DPY19L1: variants seen among roughly 807,000 people sequenced by gnomAD.
DPY19L1 encodes the protein protein C-mannosyl-transferase DPY19L1.
DPY19L1 carries 35 observed loss-of-function variants against 96.9 expected under a neutral mutation model. That is an observed-to-expected ratio of 0.36 (90% CI 0.28 to 0.48). The LOEUF (loss-of-function observed/expected upper bound fraction) is 0.48, where lower values mean the gene tolerates loss of function less well. Among genes scored for constraint, DPY19L1 ranks in the 20% least tolerant of loss-of-function variants. The pLI, the probability that DPY19L1 is intolerant of heterozygous loss-of-function variation, is 0.99. For missense variants in DPY19L1, 521 were observed against 777.9 expected (o/e 0.67, Z 3.93); for synonymous variants, 205 against 252.6 (o/e 0.81, Z 1.79).
chr7:35,022,312 T>C (rs762186688), intron 1 of DPY19L1, among the ~76,000 whole-genome samples: 22 of 152,226 alleles, frequency 1.4e-4, no homozygotes, highest in Non-Finnish European at 8.8e-5. Context: ...AAAAAGGTGT[T>C]CAAGGAAAGG....
chr7:35,007,449 A>T (rs572510681), intron 6 of DPY19L1, among the ~76,000 whole-genome samples: 2 of 152,338 alleles, frequency 1.3e-5, no homozygotes, highest in African/African-American at 4.8e-5. Context: ...CATTGGAAGA[A>T]CCAGAGACAG....
chr7:34,958,236 C>T lies in DPY19L1; in HGVS notation c.1093-166G>A, dbSNP rs6952071. Among the ~76,000 whole-genome samples the T allele has an allele frequency of 4.0e-3, 604 of 152,274 alleles. 5 individuals carry two copies. Among genetic ancestry groups the T allele is most frequent in the African/African-American group, 0.014 (592 of 41,560 alleles). ...TCACACTTCAAACTCCCAGAGATAACCATCATCAACAGTTTCCTGTTTATC... is the reference window on the plus strand; with the variant it reads ...TCACACTTCAAACTCCCAGAGATAATCATCATCAACAGTTTCCTGTTTATC... On this transcript the variant is annotated intron_variant, in intron 10 of 21. Coordinates refer to ENST00000638088, the MANE Select transcript of DPY19L1 (RefSeq NM_001366673.1).
chr7:34,997,436 C>CAAAAAA (rs397836742), intron 6 of DPY19L1, among the ~76,000 whole-genome samples: 146 of 91,834 alleles, frequency 1.6e-3, no homozygotes, highest in Admixed American at 2.1e-3. Context: ...ACTAAAAATA[C>CAAAAAA]AAAAAAAAAA....
At chr7:34,945,298 G>A (rs772031864) in intron 16 of DPY19L1, among the ~76,000 whole-genome samples, 1 of 152,066 alleles carries the variant, frequency 6.6e-6, no homozygotes, top group Non-Finnish European at 1.5e-5. Flanking sequence ...TGTAAAAAGT[G>A]AGGTATGAAT....
At chr7:34,961,387 T>C (rs915969041) in intron 10 of DPY19L1, among the ~76,000 whole-genome samples, 7 of 152,300 alleles carry the variant, frequency 4.6e-5, no homozygotes, top group African/African-American at 1.4e-4. Context: ...AAGGCAATAC[T>C]GTGGAGCAAA....
At chr7:34,937,804 A>C (rs576266660) in intron 21 of DPY19L1, among the ~76,000 whole-genome samples, 190 bp downstream of exon 21, 3 of 152,238 alleles carry the variant, frequency 2.0e-5, no homozygotes, top group African/African-American at 7.2e-5. Flanking sequence ...GCTTGCAGTG[A>C]GCCCAGATCA....
At chr7:35,005,881 C>A (rs1470013769) in intron 6 of DPY19L1, among the ~76,000 whole-genome samples, 1 of 151,832 alleles carries the variant, frequency 6.6e-6, no homozygotes, top group African/African-American at 2.4e-5. Context: ...CATTCTGAGG[C>A]GGATGGGAAG....
chr7:34,977,311 T>C (rs1304543075), intron 7 of DPY19L1, among the ~76,000 whole-genome samples: 1 of 152,330 alleles, frequency 6.6e-6, no homozygotes, highest in East Asian at 1.9e-4. Context: ...ATTCCAACCA[T>C]GTAATGTACA....
intron 1 of DPY19L1, among the ~76,000 whole-genome samples, chr7:35,020,553 C>T (rs1785971682): frequency 1.3e-5 from 2 of 152,082 alleles, no homozygotes; most frequent in African/African-American, 2.4e-5. Context: ...TTTTTTCCTG[C>T]TAATATTCAT....
At chr7:35,022,590 T>C (rs1007841857) in intron 1 of DPY19L1, among the ~76,000 whole-genome samples, 4 of 152,226 alleles carry the variant, frequency 2.6e-5, no homozygotes, top group African/African-American at 9.6e-5. Flanking sequence ...ACAAAACAGA[T>C]TGTAACTCCC....
chr7:35,032,300 C>A (rs1382668750), intron 1 of DPY19L1, among the ~76,000 whole-genome samples: 1 of 152,070 alleles, frequency 6.6e-6, no homozygotes. Context: ...AAATCCTGGC[C>A]CTTCTACATT....
At chr7:35,024,427 T>G (rs1786073817) in intron 1 of DPY19L1, among the ~76,000 whole-genome samples, 1 of 152,210 alleles carries the variant, frequency 6.6e-6, no homozygotes, top group Non-Finnish European at 1.5e-5. Flanking sequence ...AGTTTTAAAG[T>G]TTCTTTCCGG....
chr7:35,033,665 C>T (rs1456826881), intron 1 of DPY19L1, among the ~76,000 whole-genome samples: 2 of 152,186 alleles, frequency 1.3e-5, no homozygotes, highest in East Asian at 1.9e-4. Flanking sequence ...GCTTCTACCA[C>T]ACCACATTGC....
At position 34,930,430 on chromosome 7, in the gene DPY19L1, T is replaced by C. The variant is rs1411161995; in HGVS notation, c.*1143A>G. 1.3e-5 allele frequency: 2 copies of C among 152,124 alleles called. No individual in the cohort carries two copies. Among genetic ancestry groups the C allele is most frequent in the Non-Finnish European group, 2.9e-5 (2 of 68,026 alleles). 9.4% of individuals were successfully genotyped at this position (152,124 alleles called of 1,614,324 possible). On this transcript the variant is annotated 3_prime_UTR_variant, in exon 22 of 22. Coordinates refer to ENST00000638088, the MANE Select transcript of DPY19L1 (RefSeq NM_001366673.1). ...CTTATTCCTTATACTGAAATGATGG[T>C]TTTTAGAACCAAAATTATAACATAA...
At chr7:34,974,743 C>T (rs752500904) in intron 7 of DPY19L1, among the ~76,000 whole-genome samples, 1 of 152,126 alleles carries the variant, frequency 6.6e-6, no homozygotes, top group Non-Finnish European at 1.5e-5. Flanking sequence ...TCACAGATAA[C>T]GTCTGTCACA....
In DPY19L1 at chr7:35,018,737, C is replaced by G. The variant is rs6963995; in HGVS notation, c.299-141G>C. The G allele has an allele frequency of 7.3e-5, 50 of 685,856 alleles. No individual in the cohort carries two copies. In the Middle Eastern group the frequency reaches 1.2e-3, roughly 16 times the overall value. The allele number at this position is 685,856 out of a possible 1,614,324, so 42.5% of individuals were successfully genotyped here. ...GGTCTTCAAAAAAGTCCCAGGGCTA[C>G]GTTTAAAATTGTGATTGACTAGCTC... On this transcript the variant is annotated intron_variant, in intron 1 of 21. Coordinates refer to ENST00000638088, the MANE Select transcript of DPY19L1 (RefSeq NM_001366673.1).
At chr7:34,962,449 A>T (rs899076173) in intron 10 of DPY19L1, among the ~76,000 whole-genome samples, 5 of 152,190 alleles carry the variant, frequency 3.3e-5, no homozygotes, top group African/African-American at 1.2e-4. Flanking sequence ...AGGGGGAAGG[A>T]GGGATGAATA....
intron 10 of DPY19L1, among the ~76,000 whole-genome samples, chr7:34,959,881 ATGTT>A (rs1199452816): frequency 7.2e-6 from 1 of 139,162 alleles, no homozygotes; most frequent in Admixed American, 7.8e-5. Flanking sequence ...TTTAATATAT[ATGTT>A]TATTTGTATA....
intron 13 of DPY19L1, among the ~76,000 whole-genome samples, chr7:34,953,939 G>T (rs1234241006): frequency 6.6e-6 from 1 of 152,004 alleles, no homozygotes; most frequent in Non-Finnish European, 1.5e-5. Context: ...AAGATTCCTG[G>T]GAAGTCCTAG....
Sources: allele counts gnomAD v4.1 joint callset (sites outside exome capture counted in the v4.1 genomes callset), GRCh38; gene constraint gnomAD v4.1.1; transcripts MANE v1.5; gene names NCBI Gene and HGNC (gene_info 2026-07-23, HGNC 2026-07-21).